The following ZNF665 variants were observed in gnomAD, a reference collection of about 807,000 sequenced individuals.
ZNF665 encodes zinc finger protein 665.
ZNF665 carries 6 observed loss-of-function variants against 7.9 expected under a neutral mutation model. The observed-to-expected ratio is 0.76, with a 90% CI of 0.42 to 1.50. ZNF665 has a LOEUF of 1.50. Among genes scored for constraint, ZNF665 ranks in the 40% most tolerant of loss-of-function variants. The pLI is 0.01. For missense variants in ZNF665, 819 were observed against 806.7 expected, an observed-to-expected ratio of 1.02 and a Z score of -0.18; for synonymous variants, 242 against 274.5, an observed-to-expected ratio of 0.88 and a Z score of 1.17.
chr19:53,184,449 C>G, intron 1 of ZNF665, among the ~76,000 whole-genome samples: 1 of 152,126 alleles, frequency 6.6e-6, no homozygotes, highest in East Asian at 1.9e-4. Flanking sequence ...TGGGGGAATT[C>G]AGGATGACCC....
intron 1 of ZNF665, among the ~76,000 whole-genome samples, chr19:53,190,683 C>T (rs572265851): frequency 5.3e-5 from 8 of 152,294 alleles, no homozygotes; most frequent in South Asian, 2.1e-4. Context: ...CCTGTAATCC[C>T]GGCACTTTGG....
At chr19:53,185,706 A>T (rs1390506239) in intron 1 of ZNF665, among the ~76,000 whole-genome samples, 1 of 152,010 alleles carries the variant, frequency 6.6e-6, no homozygotes, top group Non-Finnish European at 1.5e-5. Context: ...AAATCAAGAG[A>T]CACCAGAAGA....
At chr19:53,177,545 C>G (rs2090707740) in intron 2 of ZNF665, among the ~76,000 whole-genome samples, 1 of 146,332 alleles carries the variant, frequency 6.8e-6, no homozygotes, top group Admixed American at 6.8e-5. Flanking sequence ...ACAAACAAAA[C>G]AAAACAAAAC....
chr19:53,182,637 T>A, intron 2 of ZNF665: 1 of 830,132 alleles, frequency 1.2e-6, no homozygotes, highest in Non-Finnish European at 2.0e-6. Context: ...CCTCACCCCG[T>A]CTCCATCCAT....
At position 53,164,694 on chromosome 19, in the gene ZNF665, T is replaced by C; in HGVS notation, c.1796A>G (p.Lys599Arg). 6.2e-7 allele frequency: 1 copy of C among 1,612,926 alleles called. No homozygotes were observed. The highest frequency in any genetic ancestry group is 1.7e-4 in the Middle Eastern group (1 of 6,060). ...GAAGACCTTGCCACATTCATTACATTTGTAAGGTTTTTCTCCAGTATGGAT... is the reference window on the plus strand; with the variant it reads ...GAAGACCTTGCCACATTCATTACATCTGTAAGGTTTTTCTCCAGTATGGAT... The part of the protein sequence containing the change: ...QVIHTGEKPY[K>R]CNECGKVFTQ... Residue 599 changes from lysine to arginine, a missense_variant, in exon 4 of 4, where the codon AAA becomes AGA. By Grantham distance (26) the Lys-to-Arg change is conservative (BLOSUM62 2). Transcript: ENST00000396424.
rs532329100 is a variant in ZNF665 at position 53,174,479 on chromosome 19, T to C, written c.142+966A>G. Among the ~76,000 whole-genome samples, 4 of 152,328 alleles carry C rather than the reference T, an allele frequency of 2.6e-5. No individual in the cohort carries two copies. In the East Asian group the frequency reaches 7.7e-4, roughly 29 times the overall value. On this transcript the variant is annotated intron_variant, in intron 3 of 3. Transcript: ENST00000396424. ...CATTTGCAGGGTGTTTCTCAAACAC[T>C]GTCTAATGAGATGCTTTCTCCCTGC...
Position 53,164,707 on chromosome 19 carries a change from C to T in ZNF665, c.1783G>A (p.Glu595Lys). ...CATTCATTACATTTGTAAGGTTTTT[C>T]TCCAGTATGGATGACCTGATGGGTA... ...LATHQVIHTG[E>K]KPYKCNECGK... The change falls in exon 4 of 4, where the codon GAA becomes AAA. Residue 595 changes from glutamate (E) to lysine (K), a missense_variant. Physicochemically the swap from Glu to Lys is moderately conservative, Grantham distance 56. Transcript: ENST00000396424. 6.2e-7 allele frequency: 1 copy of T among 1,614,030 alleles called. No individual in the cohort carries two copies. Among genetic ancestry groups the T allele is most frequent in the Non-Finnish European group, 8.5e-7 (1 of 1,179,956 alleles).
At chr19:53,192,610 T>C (rs377460512) in intron 1 of ZNF665, among the ~76,000 whole-genome samples, 1 of 152,222 alleles carries the variant, frequency 6.6e-6, no homozygotes, top group African/African-American at 2.4e-5. Flanking sequence ...CTTTCCTCTG[T>C]CTCCGTTTTT....
chr19:53,181,643 T>C (rs1328401211), intron 2 of ZNF665: 2 of 152,218 alleles, frequency 1.3e-5, no homozygotes, highest in East Asian at 3.8e-4. Context: ...CAGCTCTCAT[T>C]AGACACAAAC....
intron 1 of ZNF665, among the ~76,000 whole-genome samples, chr19:53,192,958 C>T (rs1011919931): frequency 4.6e-5 from 7 of 152,158 alleles, no homozygotes; most frequent in African/African-American, 1.7e-4. Flanking sequence ...GGGGCTGCGG[C>T]GCTAACGCTC....
rs564874227 is a variant in ZNF665 at position 53,185,252 on chromosome 19, C to T, written c.-45-2309G>A. 9.5e-3 allele frequency among the ~76,000 whole-genome samples: 1,446 copies of T among 151,940 alleles called. 24 individuals are homozygous for T. Among genetic ancestry groups the T allele is most frequent in the African/African-American group, 0.032 (1,337 of 41,418 alleles). ...TGTTGTTCCTTGCCACTTACGCTAC[C>T]GCTAGACCACGGTCCGCTTGGCAAC... On this transcript the variant is annotated intron_variant, in intron 1 of 3. Transcript: ENST00000396424.
chr19:53,183,409 G>A (rs2090753109), intron 1 of ZNF665, among the ~76,000 whole-genome samples: 1 of 152,182 alleles, frequency 6.6e-6, no homozygotes, highest in Non-Finnish European at 1.5e-5. Flanking sequence ...CTGAAGCTGG[G>A]CTGCAACTTA....
At chr19:53,185,233 T>C (rs973184745) in intron 1 of ZNF665, among the ~76,000 whole-genome samples, 2 of 151,840 alleles carry the variant, frequency 1.3e-5, no homozygotes, top group Non-Finnish European at 2.9e-5. Flanking sequence ...CGGGTGTTGT[T>C]CCTTGCCACT....
At chr19:53,180,542 A>G (rs1479495181) in intron 2 of ZNF665, 3 of 152,214 alleles carry the variant, frequency 2.0e-5, no homozygotes, top group Non-Finnish European at 4.4e-5. Flanking sequence ...TATGTCTTTT[A>G]TAAAACCATG....
intron 3 of ZNF665, among the ~76,000 whole-genome samples, 200 bp from the exon 4 acceptor site, chr19:53,166,547 T>C (rs1044549459): frequency 6.6e-6 from 1 of 152,170 alleles, no homozygotes; most frequent in Non-Finnish European, 1.5e-5. Context: ...ATTCAAATAG[T>C]AGGGGATCCT....
At position 53,165,398 on chromosome 19, in the gene ZNF665, A is replaced by G. The variant is rs1294441712; in HGVS notation, c.1092T>C (p.His364=). The part of the protein sequence containing the change: ...VFRHNSYLAK[H]RRIHTGEKPY... ...GTTTCTCACCAGTATGAATTCGCCG[A>G]TGCTTTGCAAGGTATGAATTGTGCC... The change falls in exon 4 of 4, where the codon CAT becomes CAC. Residue 364 remains histidine, a synonymous_variant. Transcript: ENST00000396424. 2 of 1,614,144 alleles carry G rather than the reference A, an allele frequency of 1.2e-6. No homozygotes were observed. Among genetic ancestry groups the G allele is most frequent in the Non-Finnish European group, 1.7e-6 (2 of 1,180,028 alleles).
At chr19:53,183,608 C>T (rs2090754925) in intron 1 of ZNF665, among the ~76,000 whole-genome samples, 1 of 148,206 alleles carries the variant, frequency 6.7e-6, no homozygotes, top group Non-Finnish European at 1.5e-5. Flanking sequence ...ACACGCAGAA[C>T]AGCCAATACA....
At chr19:53,167,462 C>T (rs10454109) in intron 3 of ZNF665, among the ~76,000 whole-genome samples, 76,846 of 149,856 alleles carry the variant, frequency 0.51, 22,411 homozygotes, top group South Asian at 0.72. Flanking sequence ...ATTTCTCTCT[C>T]TTTTTTTTTG....
intron 1 of ZNF665, among the ~76,000 whole-genome samples, chr19:53,189,420 T>C (rs2090798151): frequency 6.7e-6 from 1 of 148,492 alleles, no homozygotes; most frequent in Admixed American, 6.7e-5. Context: ...GGGTAAAGAG[T>C]GTGAGTCACC....
Sources: gnomAD v4.1 joint callset for allele counts (sites outside exome capture counted in the v4.1 genomes callset) on GRCh38, gnomAD v4.1.1 for gene constraint, MANE v1.5 for transcripts, NCBI Gene and HGNC (gene_info 2026-07-23, HGNC 2026-07-21) for gene names.